PACRG: variants seen among roughly 807,000 people sequenced by gnomAD.
The protein encoded by PACRG is parkin coregulated, also known as parkin coregulated gene protein.
In PACRG, 29 loss-of-function variants were observed where a neutral mutation model predicts 29.7. The ratio of observed to expected loss-of-function variants is 0.98; its 90% confidence interval spans 0.73 to 1.33. The LOEUF (loss-of-function observed/expected upper bound fraction) is 1.33. Ranked by LOEUF, PACRG falls within the 40% of genes most tolerant of loss-of-function variation. PACRG has a pLI of 0.00. For synonymous variants in PACRG, 116 were observed against 118.7 expected (o/e 0.98, Z 0.15); for missense variants, 279 against 316.2 (o/e 0.88, Z 0.89).
At chr6:163,048,723 G>A (rs140304654) in intron 2 of PACRG, among the ~76,000 whole-genome samples, 2 of 152,122 alleles carry the variant, frequency 1.3e-5, no homozygotes, top group African/African-American at 4.8e-5. Context: ...TTCTATAATG[G>A]TTTTCTCTTG....
At chr6:162,943,618 C>A (rs188475092) in intron 2 of PACRG, among the ~76,000 whole-genome samples, 34 of 152,254 alleles carry the variant, frequency 2.2e-4, no homozygotes, top group African/African-American at 7.0e-4. Context: ...TGCCTGCAGG[C>A]ACCACTTGGG....
chr6:162,949,771 AT>A (rs1222507889), intron 2 of PACRG, among the ~76,000 whole-genome samples: 1 of 152,184 alleles, frequency 6.6e-6, no homozygotes, highest in Non-Finnish European at 1.5e-5. Flanking sequence ...GGTTTGTTGT[AT>A]TTCCAATTTC....
chr6:162,909,444 A>G (rs912098605), intron 2 of PACRG, among the ~76,000 whole-genome samples: 24 of 150,506 alleles, frequency 1.6e-4, no homozygotes, highest in Non-Finnish European at 2.9e-4. Flanking sequence ...AGTCCCAGCT[A>G]CTTGGGAGGC....
Position 163,062,177 on chromosome 6 carries a change from CATT to C in PACRG, c.322_324del (p.Tyr108del), listed in dbSNP as rs1195220949. The C allele has an allele frequency of 6.2e-7, 1 of 1,613,938 alleles. No homozygotes were observed. The highest frequency in any genetic ancestry group is 1.3e-5 in the African/African-American group (1 of 74,918). On this transcript the variant is annotated inframe_deletion, in exon 3 of 5. Transcript: ENST00000366888. ...AGAAATTGAGAAGCTGGATTACCATCATTATCTGCCTCTGTTTTTTGATGGGCT... is the reference window on the plus strand; with the variant it reads ...AGAAATTGAGAAGCTGGATTACCATCATCTGCCTCTGTTTTTTGATGGGCT...
chr6:163,022,571 T>A (rs1806739054), intron 2 of PACRG, among the ~76,000 whole-genome samples: 1 of 152,152 alleles, frequency 6.6e-6, no homozygotes, highest in South Asian at 2.1e-4. Flanking sequence ...AACAGGAGTG[T>A]CCCAGGAAAC....
At chr6:163,103,571 G>A (rs16894447) in intron 4 of PACRG, among the ~76,000 whole-genome samples, 1,966 of 152,206 alleles carry the variant, frequency 0.013, 86 homozygotes, top group Admixed American at 0.084. Context: ...TTGTTTTAAG[G>A]TCAGCAGATT....
upstream of PACRG, chr6:162,727,907 C>T: frequency 1.7e-6 from 1 of 591,946 alleles, no homozygotes; most frequent in East Asian, 2.9e-5. Context: ...CCGCCCTTTC[C>T]GGCTTCAGGC....
chr6:163,311,033 T>C (rs1259829393), intron 4 of PACRG: 2 of 152,166 alleles, frequency 1.3e-5, no homozygotes, highest in Non-Finnish European at 2.9e-5. Context: ...GAGGTTTAGA[T>C]AGAAAAATGA....
intron 4 of PACRG, among the ~76,000 whole-genome samples, chr6:163,121,441 G>C (rs535976597): frequency 7.2e-5 from 11 of 152,202 alleles, no homozygotes; most frequent in Admixed American, 7.2e-4. Context: ...GTGATGCACA[G>C]AGTCATGGGC....
Position 163,272,892 on chromosome 6 carries a change from C to CTTTTTTTTTTTTTTTTT in PACRG, c.614-41934_614-41918dup, listed in dbSNP as rs200076248. 1.6e-4 allele frequency among the ~76,000 whole-genome samples: 18 copies of CTTTTTTTTTTTTTTTTT among 109,462 alleles called. 2 individuals carry two copies. The highest frequency in any genetic ancestry group is 3.5e-4 in the African/African-American group (9 of 26,040). 71.8% of individuals were successfully genotyped at this position (109,462 alleles called of 152,430 possible). A position where few individuals can be genotyped will look rare whatever the true frequency, so the allele number is the denominator to read the frequency against. On this transcript the variant is annotated intron_variant, in intron 4 of 4. Coordinates refer to ENST00000366888, the MANE Select transcript of PACRG (RefSeq NM_001080379.2). ...AAACATTTGGTAATGATGCATCATT[C>CTTTTTTTTTTTTTTTTT]TTTTTTTTTTTTTTTTTGAGACGGA...
chr6:163,116,864 G>A (rs1256283079), intron 4 of PACRG, among the ~76,000 whole-genome samples: 2 of 152,162 alleles, frequency 1.3e-5, no homozygotes, highest in Non-Finnish European at 2.9e-5. Flanking sequence ...CAGCACTGGA[G>A]AACACAGGAG....
chr6:163,135,047 A>G (rs1170843254), intron 4 of PACRG, among the ~76,000 whole-genome samples: 5 of 152,230 alleles, frequency 3.3e-5, no homozygotes, highest in Non-Finnish European at 1.5e-5. Flanking sequence ...ATCTGTAACT[A>G]GAAACAATAC....
At chr6:162,741,070 T>C (rs932995141) in intron 1 of PACRG, among the ~76,000 whole-genome samples, 1 of 152,196 alleles carries the variant, frequency 6.6e-6, no homozygotes, top group East Asian at 1.9e-4. Context: ...GAATTATCCT[T>C]ATATTCTTTT....
chr6:163,039,233 G>T (rs1437910668), intron 2 of PACRG, among the ~76,000 whole-genome samples: 1 of 152,114 alleles, frequency 6.6e-6, no homozygotes, highest in African/African-American at 2.4e-5. Flanking sequence ...TCCCCCTTCA[G>T]CTTCCACCAT....
chr6:162,730,333 T>G (rs1779664739), intron 1 of PACRG, among the ~76,000 whole-genome samples: 1 of 152,176 alleles, frequency 6.6e-6, no homozygotes, highest in African/African-American at 2.4e-5. Context: ...GAAAATGTCC[T>G]CATCTCTTTC....
chr6:163,234,914 G>T (rs140279368), intron 4 of PACRG, among the ~76,000 whole-genome samples: 5 of 152,310 alleles, frequency 3.3e-5, no homozygotes, highest in African/African-American at 1.2e-4. Flanking sequence ...TTTTTAAAAA[G>T]TTGATTTTGA....
At chr6:162,746,954 C>A (rs1041527947) in intron 1 of PACRG, among the ~76,000 whole-genome samples, 1 of 152,090 alleles carries the variant, frequency 6.6e-6, no homozygotes, top group Admixed American at 6.5e-5. Flanking sequence ...ACACTTGATA[C>A]TGCAACAAAT....
intron 4 of PACRG, among the ~76,000 whole-genome samples, chr6:163,201,248 T>C (rs1780686092): frequency 6.6e-6 from 1 of 152,230 alleles, no homozygotes; most frequent in African/African-American, 2.4e-5. Context: ...CCACTTCCAC[T>C]TCATTAGAGT....
chr6:162,751,212 G>A (rs180755206), intron 1 of PACRG, among the ~76,000 whole-genome samples: 19 of 151,768 alleles, frequency 1.3e-4, no homozygotes, highest in Middle Eastern at 3.4e-3. Flanking sequence ...AACCATATTG[G>A]TATTTCTGTT....
Sources: allele counts gnomAD v4.1 joint callset (sites outside exome capture counted in the v4.1 genomes callset), GRCh38; gene constraint gnomAD v4.1.1; transcripts MANE v1.5; gene names NCBI Gene and HGNC (gene_info 2026-07-23, HGNC 2026-07-21).